The following OTOGL variants were observed in gnomAD, a reference collection of about 807,000 sequenced individuals.
The protein encoded by OTOGL is otogelin-like protein.
Under a neutral mutation model 318.5 loss-of-function variants are expected in OTOGL, and 285 were observed. The observed-to-expected ratio is 0.89, with a 90% CI of 0.81 to 0.99. OTOGL has a LOEUF of 0.99. OTOGL is among the 50% of genes least tolerant of loss of function. The pLI is 0.00. For synonymous variants in OTOGL, 987 were observed against 936.5 expected, an observed-to-expected ratio of 1.05 and a Z score of -0.99; for missense variants, 2,899 against 2,845.6, an observed-to-expected ratio of 1.02 and a Z score of -0.43.
At chr12:80,108,833 ATT>A (rs1491150988) in intron 1 of OTOGL, among the ~76,000 whole-genome samples, 13 of 114,064 alleles carry the variant, frequency 1.1e-4, no homozygotes, top group East Asian at 1.1e-3. Context: ...ATGTATATAT[ATT>A]GTATATATAT....
At chr12:80,154,511 C>T (rs1872996193) in intron 1 of OTOGL, among the ~76,000 whole-genome samples, 1 of 152,096 alleles carries the variant, frequency 6.6e-6, no homozygotes, top group Non-Finnish European at 1.5e-5. Context: ...TCCTATAAAA[C>T]CTCCCCTTTG....
At chr12:80,248,562 G>A (rs2137479295) in intron 11 of OTOGL, among the ~76,000 whole-genome samples, 2 of 128,904 alleles carry the variant, frequency 1.6e-5, no homozygotes, top group South Asian at 5.9e-4. Context: ...TTCCCTTTGA[G>A]GGTAACCCGA....
At chr12:80,229,442 C>T (rs980427677) in intron 8 of OTOGL, 64 bp downstream of exon 8, 16 of 1,509,264 alleles carry the variant, frequency 1.1e-5, no homozygotes, top group African/African-American at 1.4e-5. Flanking sequence ...CCAAACATCA[C>T]ATGCTGGAAG....
intron 1 of OTOGL, among the ~76,000 whole-genome samples, chr12:80,158,883 G>A (rs1303969255): frequency 6.6e-6 from 1 of 152,026 alleles, no homozygotes; most frequent in Admixed American, 6.6e-5. Flanking sequence ...AATAGACGGG[G>A]TGAGAGTGGG....
At chr12:80,156,389 A>G (rs1433909335) in intron 1 of OTOGL, among the ~76,000 whole-genome samples, 2 of 152,166 alleles carry the variant, frequency 1.3e-5, no homozygotes, top group African/African-American at 4.8e-5. Context: ...ACGTGAGTCA[A>G]TACTCCTTAA....
chr12:80,247,669 G>T (rs1188008510), intron 11 of OTOGL, among the ~76,000 whole-genome samples: 2 of 31,092 alleles, frequency 6.4e-5, no homozygotes, highest in Non-Finnish European at 1.2e-4. Flanking sequence ...TTCTGTAGAT[G>T]TCTATTAGGT....
chr12:80,338,264 C>T (rs1056821838), intron 42 of OTOGL, among the ~76,000 whole-genome samples: 13 of 151,854 alleles, frequency 8.6e-5, no homozygotes, highest in Admixed American at 3.9e-4. Context: ...AGTTTGTAGT[C>T]GGATCAAACA....
At chr12:80,110,614 GGT>G (rs1869779493) in intron 1 of OTOGL, among the ~76,000 whole-genome samples, 1 of 152,124 alleles carries the variant, frequency 6.6e-6, no homozygotes, top group Admixed American at 6.5e-5. Context: ...AGTATTCCAT[GGT>G]GTATTTGTGC....
intron 1 of OTOGL, among the ~76,000 whole-genome samples, chr12:80,178,359 C>A (rs1004543395): frequency 6.6e-6 from 1 of 151,976 alleles, no homozygotes; most frequent in Admixed American, 6.6e-5. Flanking sequence ...CTGTGCCCAG[C>A]CTTTTATATG....
chr12:80,182,496 A>C (rs1458829299), intron 1 of OTOGL, among the ~76,000 whole-genome samples: 1 of 152,238 alleles, frequency 6.6e-6, no homozygotes, highest in Admixed American at 6.5e-5. Context: ...ACTATAAGAG[A>C]TGAATTAAAA....
At chr12:80,240,392 G>A (rs372494485) in intron 11 of OTOGL, among the ~76,000 whole-genome samples, 6 of 152,092 alleles carry the variant, frequency 3.9e-5, no homozygotes, top group Admixed American at 6.6e-5. Flanking sequence ...CAAAAACAAT[G>A]TTTGAAATGC....
chr12:80,226,177 A>ACACACACACAC (rs1878824294), intron 7 of OTOGL, among the ~76,000 whole-genome samples: 5 of 132,894 alleles, frequency 3.8e-5, no homozygotes, highest in Non-Finnish European at 4.8e-5. Context: ...TCCTGCTCCT[A>ACACACACACAC]ACACACACAC....
intron 4 of OTOGL, among the ~76,000 whole-genome samples, chr12:80,217,063 T>G (rs146917183): frequency 5.3e-5 from 8 of 152,310 alleles, no homozygotes; most frequent in African/African-American, 9.6e-5. Context: ...CAGCAGATGC[T>G]TCTGTGGATG....
intron 1 of OTOGL, among the ~76,000 whole-genome samples, chr12:80,108,409 C>T (rs972617365): frequency 2.6e-5 from 4 of 151,758 alleles, no homozygotes; most frequent in South Asian, 2.1e-4. Flanking sequence ...TAAACACAAA[C>T]GATGCTAAGC....
Position 80,333,058 on chromosome 12 carries a change from A to T in OTOGL, c.4402A>T (p.Thr1468Ser). The change falls in exon 38 of 59, where the codon ACT (threonine) becomes TCT (serine). Residue 1468 changes from threonine to serine, a missense_variant. Around this residue, in one of 3 missense-constraint regions of OTOGL, gnomAD observed 2,607 missense variants for 2,524.9 expected, o/e 1.03. Transcript: ENST00000547103. ...CACTGTGTTTGATATGCTAACACCA[A>T]CTACAGGCTTGGAATGTGAGGTATG... is the stretch of plus-strand genomic sequence containing the variant. ...DITVFDMLTP[T>S]TGLECEPQKF... 6.2e-7 allele frequency: 1 copy of T among 1,601,364 alleles called. No homozygotes were observed. Among genetic ancestry groups the T allele is most frequent in the South Asian group, 1.1e-5 (1 of 88,586 alleles).
chr12:80,148,186 T>G (rs1462848181), intron 1 of OTOGL, among the ~76,000 whole-genome samples: 1 of 151,792 alleles, frequency 6.6e-6, no homozygotes, highest in South Asian at 2.1e-4. Flanking sequence ...TTGCAGCGGC[T>G]GGTACCGGTT....
chr12:80,225,864 T>A (rs1027260480), intron 7 of OTOGL, among the ~76,000 whole-genome samples: 2 of 152,122 alleles, frequency 1.3e-5, no homozygotes, highest in Non-Finnish European at 1.5e-5. Context: ...TATCCTTATC[T>A]ATACCCCCGA....
rs1233313403 is a variant in OTOGL, at chr12:80,368,322, G to A, written c.6615+13G>A. On this transcript the variant is annotated intron_variant, in intron 55 of 58. Coordinates refer to ENST00000547103, the MANE Select transcript of OTOGL (RefSeq NM_001378609.3). ...AGTTGTATACGCGGTATGTTTCATG[G>A]AGAGTAATGCTCTGTGCTATTTTCT... 6.5e-7 allele frequency: 1 copy of A among 1,546,388 alleles called. No individual in the cohort carries two copies. The highest frequency in any genetic ancestry group is 8.8e-7 in the Non-Finnish European group (1 of 1,133,322).
At chr12:80,307,409 C>A (rs1280845339) in intron 29 of OTOGL, among the ~76,000 whole-genome samples, 1 of 150,484 alleles carries the variant, frequency 6.6e-6, no homozygotes, top group African/African-American at 2.5e-5. Flanking sequence ...CCTCACCTCC[C>A]GGACGGGGCG....
Sources: gnomAD v4.1 joint callset for allele counts (sites outside exome capture counted in the v4.1 genomes callset) on GRCh38, gnomAD v4.1.1 for gene constraint, gnomAD v4.1.1 regional missense constraint, MANE v1.5 for transcripts, NCBI Gene and HGNC (gene_info 2026-07-23, HGNC 2026-07-21) for gene names.